The following PAM variants were observed in gnomAD, a reference collection of about 807,000 sequenced individuals.
The protein encoded by PAM is peptidylglycine alpha-amidating monooxygenase, also known as peptidyl-glycine alpha-amidating monooxygenase.
A neutral mutation model predicts 122.1 loss-of-function variants in PAM; 72 were observed. The ratio of observed to expected loss-of-function variants is 0.59; its 90% CI spans 0.49 to 0.72. The LOEUF (loss-of-function observed/expected upper bound fraction) is 0.72. PAM is among the 30% of genes least tolerant of loss of function. PAM has a pLI of 0.00. For synonymous variants in PAM, 389 were observed against 404.4 expected (o/e 0.96, Z 0.46); for missense variants, 1,106 against 1,183.7 (o/e 0.93, Z 0.96).
At chr5:102,928,732 C>A (rs577884205) in intron 7 of PAM, among the ~76,000 whole-genome samples, 1 of 152,164 alleles carries the variant, frequency 6.6e-6, no homozygotes, top group East Asian at 1.9e-4. Flanking sequence ...TTGGATGAAT[C>A]TGATGTGCTT....
intron 4 of PAM, among the ~76,000 whole-genome samples, chr5:102,908,725 G>GA (rs894591997): frequency 1.1e-4 from 16 of 143,792 alleles, no homozygotes; most frequent in African/African-American, 2.6e-4. Flanking sequence ...AATAATAAAA[G>GA]AAAAAAAAAT....
intron 1 of PAM, among the ~76,000 whole-genome samples, chr5:102,852,732 C>A (rs1781632783): frequency 6.6e-6 from 1 of 152,068 alleles, no homozygotes; most frequent in South Asian, 2.1e-4. Flanking sequence ...TTCAAAGGAA[C>A]TACCTCCCAG....
chr5:103,030,240 G>A (rs1432717363), downstream of PAM: 1 of 152,172 alleles, frequency 6.6e-6, no homozygotes, highest in African/African-American at 2.4e-5. Flanking sequence ...CTAGGCTACA[G>A]AGTGAGATCC....
chr5:102,898,835 G>C (rs1004255655), intron 3 of PAM, among the ~76,000 whole-genome samples: 5 of 151,628 alleles, frequency 3.3e-5, no homozygotes, highest in Admixed American at 6.6e-5. Flanking sequence ...GAAGAGAAGT[G>C]CTTTAATAAC....
chr5:102,758,078 T>C (rs1452648948), intron 1 of PAM, among the ~76,000 whole-genome samples: 2 of 29,310 alleles, frequency 6.8e-5, no homozygotes, highest in African/African-American at 4.1e-4. Context: ...ATTTTGTTTT[T>C]TTTTTTTTTT....
chr5:102,775,527 T>G (rs758787295), intron 1 of PAM, among the ~76,000 whole-genome samples: 52 of 152,228 alleles, frequency 3.4e-4, no homozygotes, highest in Non-Finnish European at 6.0e-4. Context: ...GTGTGTGTTA[T>G]TCCCCTCCCT....
rs1026478290 is a variant in PAM, at chr5:103,025,199, G to A, written c.2554G>A (p.Glu852Lys). Residue 852 changes from glutamate to lysine, a missense_variant, in exon 24 of 26, where the codon GAG (glutamate) becomes AAG (lysine). By Grantham distance (56) the Glu-to-Lys change is moderately conservative. This residue lies in a region of PAM where 333 missense variants were observed against 335.6 expected (regional missense o/e 0.99). Transcript: ENST00000438793. ...CTCCTCAGAATTGCAGAAGATGCAA[G>A]AGAAACAGAAACTGATCAAAGAGCC... Reference protein sequence around the residue: ...PTSSELQKMQEKQKLIKEPGS... With the variant: ...PTSSELQKMQKKQKLIKEPGS... 6.2e-7 allele frequency: 1 copy of A among 1,613,690 alleles called. No homozygotes were observed. The highest frequency in any genetic ancestry group is 8.5e-7 in the Non-Finnish European group (1 of 1,179,784).
rs779600810 is a variant in PAM at position 103,008,983 on chromosome 5, A to G, written c.2216-768A>G. 3.3e-5 allele frequency among the ~76,000 whole-genome samples: 5 copies of G among 152,180 alleles called. No homozygotes were observed. The South Asian group carries it at 1.0e-3, about 31-fold the overall frequency. ...TTTTTATAGTACATCCTAGAAAACTATAATCCTTCAAGAATGATGAAAATA... is the reference window on the plus strand; with the variant it reads ...TTTTTATAGTACATCCTAGAAAACTGTAATCCTTCAAGAATGATGAAAATA... On this transcript the variant is annotated intron_variant, in intron 20 of 25. Transcript: ENST00000438793.
At chr5:102,856,230 T>C (rs1157596910) in intron 1 of PAM, among the ~76,000 whole-genome samples, 4 of 152,150 alleles carry the variant, frequency 2.6e-5, no homozygotes, top group Non-Finnish European at 5.9e-5. Flanking sequence ...AAAAGTCTGT[T>C]CCCCTGACTC....
intron 1 of PAM, among the ~76,000 whole-genome samples, chr5:102,817,606 A>T (rs1261944157): frequency 6.6e-6 from 1 of 152,184 alleles, no homozygotes; most frequent in East Asian, 1.9e-4. Context: ...GGTTCACATT[A>T]TATTTTTATT....
intron 1 of PAM, among the ~76,000 whole-genome samples, chr5:102,779,137 A>G (rs1757923072): frequency 6.6e-6 from 1 of 151,928 alleles, no homozygotes; most frequent in African/African-American, 2.4e-5. Context: ...TATGTTTTGC[A>G]GTGCCCTCTT....
intron 5 of PAM, 76 bp from the exon 6 acceptor site, chr5:102,924,881 C>T (rs771728520): frequency 6.3e-5 from 50 of 796,492 alleles, no homozygotes; most frequent in Admixed American, 1.8e-4. Flanking sequence ...CTTCCCCCAT[C>T]ACCTCCCACC....
At chr5:102,930,566 A>G (rs2151790266) in intron 7 of PAM, among the ~76,000 whole-genome samples, 1 of 152,320 alleles carries the variant, frequency 6.6e-6, no homozygotes, top group African/African-American at 2.4e-5. Flanking sequence ...GCATAGGGAA[A>G]AGTGGCAAGA....
intron 1 of PAM, among the ~76,000 whole-genome samples, chr5:102,840,113 T>C (rs1228874962): frequency 1.3e-5 from 2 of 152,186 alleles, no homozygotes; most frequent in African/African-American, 4.8e-5. Context: ...TAATTTTATA[T>C]GTAAAATTAA....
chr5:102,788,691 A>C (rs1271357636), intron 1 of PAM, among the ~76,000 whole-genome samples: 4 of 152,116 alleles, frequency 2.6e-5, no homozygotes, highest in Admixed American at 6.6e-5. Flanking sequence ...GTGGTGTTAC[A>C]TCTGATTTTT....
intron 3 of PAM, among the ~76,000 whole-genome samples, chr5:102,889,506 C>T (rs895543457): frequency 2.0e-5 from 3 of 151,774 alleles, no homozygotes; most frequent in Non-Finnish European, 4.4e-5. Context: ...CTTAACCTAG[C>T]CGTCTTTGTC....
intron 1 of PAM, among the ~76,000 whole-genome samples, chr5:102,860,577 T>A (rs1169298701): frequency 6.6e-6 from 1 of 151,426 alleles, no homozygotes; most frequent in East Asian, 1.9e-4. Flanking sequence ...TCCCAGCTAT[T>A]TGGGAGGCTG....
chr5:102,932,414 G>C (rs1751847094), intron 7 of PAM, among the ~76,000 whole-genome samples: 1 of 151,840 alleles, frequency 6.6e-6, no homozygotes, highest in South Asian at 2.1e-4. Context: ...TTTGAACCCG[G>C]GAGGCAGAGG....
intron 3 of PAM, among the ~76,000 whole-genome samples, chr5:102,868,054 G>T (rs1309068579): frequency 6.6e-6 from 1 of 152,196 alleles, no homozygotes; most frequent in Non-Finnish European, 1.5e-5. Flanking sequence ...ACCCACTGCT[G>T]TCATGTGTGC....
Sources: gnomAD v4.1 joint callset for allele counts (sites outside exome capture counted in the v4.1 genomes callset) on GRCh38, gnomAD v4.1.1 for gene constraint, gnomAD v4.1.1 regional missense constraint, MANE v1.5 for transcripts, NCBI Gene and HGNC (gene_info 2026-07-23, HGNC 2026-07-21) for gene names.